The following CMPK1 variants were observed in gnomAD, a reference collection of about 807,000 sequenced individuals.
The protein encoded by CMPK1 is UMP-CMP kinase.
CMPK1 carries 10 observed loss-of-function variants against 25.7 expected under a neutral mutation model. The observed-to-expected ratio is 0.39, with a 90% CI of 0.24 to 0.66. The LOEUF is 0.66. Among genes scored for constraint, CMPK1 ranks in the 30% least tolerant of loss-of-function variants. CMPK1 has a pLI of 0.48. For missense variants in CMPK1, 199 were observed against 280.5 expected (o/e 0.71, Z 2.08); for synonymous variants, 106 against 101.5 (o/e 1.04, Z -0.27).
At chr1:47,343,700 G>C (rs1570354120) in intron 1 of CMPK1, among the ~76,000 whole-genome samples, 1 of 152,012 alleles carries the variant, frequency 6.6e-6, no homozygotes, top group East Asian at 1.9e-4. Flanking sequence ...AATTACTTGA[G>C]CCAAGGAGTT....
intron 1 of CMPK1, among the ~76,000 whole-genome samples, chr1:47,362,316 C>A (rs1646609341): frequency 6.6e-6 from 1 of 151,216 alleles, no homozygotes; most frequent in African/African-American, 2.4e-5. Flanking sequence ...ATTACAGGCA[C>A]ACACCACCAC....
chr1:47,333,859 C>T lies in CMPK1; in HGVS notation c.-87C>T, dbSNP rs1646372714. On this transcript the variant is annotated 5_prime_UTR_variant, in exon 1 of 6. Coordinates refer to ENST00000371873, the MANE Select transcript of CMPK1 (RefSeq NM_016308.3). ...GGCCGCGGCGGGCGCCGGCTCAGCC[C>T]GCCCCTTTCTCCCGCCGCCTCCCCG... The T allele has an allele frequency of 4.2e-6, 4 of 960,224 alleles. No homozygotes were observed. The highest frequency in any genetic ancestry group is 6.4e-5 in the East Asian group (1 of 15,692). The allele number at this position is 960,224 out of a possible 1,614,324, so 59.5% of individuals were successfully genotyped here. A position where few individuals can be genotyped will look rare whatever the true frequency, so the allele number is the denominator to read the frequency against.
intron 1 of CMPK1, among the ~76,000 whole-genome samples, chr1:47,335,309 A>G (rs1047887356): frequency 5.9e-5 from 9 of 152,196 alleles, no homozygotes; most frequent in Admixed American, 6.6e-5. Context: ...GATGAGTTCA[A>G]CAAGTCATTA....
At chr1:47,356,264 G>C (rs1358750487) in intron 1 of CMPK1, among the ~76,000 whole-genome samples, 1 of 152,034 alleles carries the variant, frequency 6.6e-6, no homozygotes, top group African/African-American at 2.4e-5. Context: ...TTACTAAATA[G>C]AAATAAATAA....
rs779954560 is a variant in CMPK1, at chr1:47,339,407, A to T, written c.171+5291A>T. 1.9e-3 allele frequency among the ~76,000 whole-genome samples: 285 copies of T among 152,248 alleles called. 5 individuals carry two copies. Among genetic ancestry groups the T allele is most frequent in the East Asian group, 1.2e-3 (6 of 5,186 alleles). On this transcript the variant is annotated intron_variant, in intron 1 of 5. Transcript: ENST00000371873. ...GCCATCCTACTTACTGCACTTAGAA[A>T]AAGTTTTGGATGATAATTGACTTTA...
intron 5 of CMPK1, among the ~76,000 whole-genome samples, chr1:47,376,416 A>T (rs1646708116): frequency 1.3e-5 from 2 of 151,994 alleles, no homozygotes; most frequent in Admixed American, 6.6e-5. Flanking sequence ...CCTGGGTTCA[A>T]GTAATTCTCC....
intron 1 of CMPK1, among the ~76,000 whole-genome samples, chr1:47,336,219 T>C (rs1327135385): frequency 6.6e-6 from 1 of 152,186 alleles, no homozygotes. Context: ...TGATCTTTCT[T>C]AAATAGCATG....
chr1:47,348,774 T>C (rs1242256512), intron 1 of CMPK1, among the ~76,000 whole-genome samples: 1 of 152,232 alleles, frequency 6.6e-6, no homozygotes, highest in African/African-American at 2.4e-5. Context: ...CATTGATTGG[T>C]ATTGGAAAAT....
intron 1 of CMPK1, among the ~76,000 whole-genome samples, chr1:47,355,941 C>T (rs1028784214): frequency 1.3e-5 from 2 of 152,120 alleles, no homozygotes; most frequent in African/African-American, 4.8e-5. Context: ...TATCCCATCA[C>T]CTTTGTATAG....
intron 5 of CMPK1, among the ~76,000 whole-genome samples, chr1:47,376,103 C>T (rs934944706): frequency 4.6e-5 from 7 of 151,490 alleles, no homozygotes; most frequent in African/African-American, 9.7e-5. Flanking sequence ...TTATTGGTAG[C>T]CTCTCAAGAA....
At chr1:47,358,430 G>C in intron 1 of CMPK1, 1 of 1,202,508 alleles carries the variant, frequency 8.3e-7, no homozygotes, top group Non-Finnish European at 1.1e-6. Context: ...TTAGAAGTTT[G>C]TTCTTCAAGA....
intron 2 of CMPK1, among the ~76,000 whole-genome samples, chr1:47,371,788 A>G (rs1646679282): frequency 6.6e-6 from 1 of 152,234 alleles, no homozygotes; most frequent in African/African-American, 2.4e-5. Flanking sequence ...TTCCAGACAT[A>G]TATTTTTAAC....
At chr1:47,345,499 T>TC (rs1008972109) in intron 1 of CMPK1, among the ~76,000 whole-genome samples, 35 of 150,614 alleles carry the variant, frequency 2.3e-4, no homozygotes, top group African/African-American at 7.8e-4. Flanking sequence ...TTAATTTCTT[T>TC]TTTTTTTTTT....
At chr1:47,371,250 A>C (rs1403728302) in intron 2 of CMPK1, among the ~76,000 whole-genome samples, 1 of 152,178 alleles carries the variant, frequency 6.6e-6, no homozygotes, top group East Asian at 1.9e-4. Flanking sequence ...ACCTGCTTCC[A>C]TTCCAAAATA....
In CMPK1 at chr1:47,367,470, G is replaced by A. The variant is rs368229122; in HGVS notation, c.172-999G>A. On this transcript the variant is annotated intron_variant, in intron 1 of 5. Transcript: ENST00000371873. Reference sequence around the variant, plus strand: ...AAGAGTTGCTTTTGTAAAATGTGCCGTTGAAATACTCTTTAAAAAGGGGGT... The same window carrying A: ...AAGAGTTGCTTTTGTAAAATGTGCCATTGAAATACTCTTTAAAAAGGGGGT... Among the ~76,000 whole-genome samples the A allele has an allele frequency of 1.6e-4, 24 of 152,280 alleles. No homozygotes were observed. In the East Asian group the frequency reaches 3.1e-3, roughly 20 times the overall value.
Position 47,374,245 on chromosome 1 carries a change from C to T in CMPK1, c.472-664C>T, listed in dbSNP as rs141418814. Among the ~76,000 whole-genome samples the T allele has an allele frequency of 1.7e-3, 266 of 152,172 alleles. 4 individuals carry two copies. The highest frequency in any genetic ancestry group is 6.1e-3 in the African/African-American group (254 of 41,510). On this transcript the variant is annotated intron_variant, in intron 3 of 5. Coordinates refer to ENST00000371873, the MANE Select transcript of CMPK1 (RefSeq NM_016308.3). ...TTAATTTTTGTATTTTTAGTAGAGA[C>T]GGGGTTTTGCCATGTTGGCCAGGCT...
chr1:47,363,616 C>CTCTGTCTCAAAAGAAAAAAAAAAA (rs1264448555), intron 1 of CMPK1, among the ~76,000 whole-genome samples: 45 of 148,176 alleles, frequency 3.0e-4, no homozygotes, highest in African/African-American at 1.1e-3. Context: ...CCAGCCTGGG[C>CTCTGTCTCAAAAGAAAAAAAAAAA]AACAGAGTGA....
intron 2 of CMPK1, among the ~76,000 whole-genome samples, chr1:47,369,877 TA>T (rs927521882): frequency 7.2e-6 from 1 of 139,010 alleles, no homozygotes; most frequent in African/African-American, 2.7e-5. Flanking sequence ...TTTTTTTTTT[TA>T]AATAAACCTC....
intron 1 of CMPK1, among the ~76,000 whole-genome samples, chr1:47,362,339 T>TAAAA (rs1646609606): frequency 6.8e-6 from 1 of 146,776 alleles, no homozygotes; most frequent in African/African-American, 2.5e-5. Context: ...CCGGCTAATT[T>TAAAA]TTTGTATTTT....
Sources: gnomAD v4.1 joint callset for allele counts (sites outside exome capture counted in the v4.1 genomes callset) on GRCh38, gnomAD v4.1.1 for gene constraint, MANE v1.5 for transcripts, NCBI Gene and HGNC (gene_info 2026-07-23, HGNC 2026-07-21) for gene names.